VIT: variants seen among roughly 807,000 people sequenced by gnomAD.
VIT encodes vitrin.
In VIT, 99 loss-of-function variants were observed where a neutral mutation model predicts 78.0. That is an observed-to-expected ratio of 1.27 (90% confidence interval 1.08 to 1.50). The LOEUF is 1.50. Ranked by LOEUF, VIT falls within the 40% of genes most tolerant of loss-of-function variation. The pLI, the probability that VIT is intolerant of heterozygous loss-of-function variation, is 0.00. For missense variants in VIT, 1,126 were observed against 875.3 expected (o/e 1.29, Z -3.61); for synonymous variants, 374 against 334.3 (o/e 1.12, Z -1.29).
At chr2:36,725,094 G>C (rs1666749166) in intron 2 of VIT, among the ~76,000 whole-genome samples, 1 of 152,112 alleles carries the variant, frequency 6.6e-6, no homozygotes, top group South Asian at 2.1e-4. Context: ...CCTAAAAAAT[G>C]TCTGCCTTCA....
At chr2:36,755,396 T>C (rs541648553) in intron 5 of VIT, among the ~76,000 whole-genome samples, 4 of 152,318 alleles carry the variant, frequency 2.6e-5, no homozygotes, top group African/African-American at 9.6e-5. Flanking sequence ...GTCTAGAACC[T>C]TATTCCTTGA....
At chr2:36,795,017 G>C (rs571636411) in intron 12 of VIT, among the ~76,000 whole-genome samples, 3 of 152,274 alleles carry the variant, frequency 2.0e-5, no homozygotes, top group East Asian at 1.9e-4. Flanking sequence ...TGAACCGAGA[G>C]AGGAGAGGAT....
chr2:36,781,249 A>C (rs1380865089), intron 9 of VIT, among the ~76,000 whole-genome samples: 2 of 152,214 alleles, frequency 1.3e-5, no homozygotes, highest in Non-Finnish European at 2.9e-5. Context: ...GTGAGTGCTT[A>C]ATAAGTGTGG....
intron 1 of VIT, among the ~76,000 whole-genome samples, chr2:36,702,441 C>T (rs185928582): frequency 2.7e-4 from 41 of 152,210 alleles, no homozygotes; most frequent in Admixed American, 8.5e-4. Flanking sequence ...TCATATTCCA[C>T]TCCCAAACAA....
intron 1 of VIT, among the ~76,000 whole-genome samples, chr2:36,709,460 G>A (rs568338506): frequency 6.6e-6 from 1 of 152,354 alleles, no homozygotes; most frequent in South Asian, 2.1e-4. Context: ...TAGTTATGAT[G>A]CATGCATGCC....
At chr2:36,733,432 G>A (rs1251754184) in intron 3 of VIT, among the ~76,000 whole-genome samples, 1 of 152,168 alleles carries the variant, frequency 6.6e-6, no homozygotes, top group Non-Finnish European at 1.5e-5. Flanking sequence ...GGCGAGCCTG[G>A]CAGGGGTCCA....
In VIT at chr2:36,729,414, T is replaced by G. The variant is rs1667056908; in HGVS notation, c.53-12T>G. On this transcript the variant is annotated splice_polypyrimidine_tract_variant and intron_variant, in intron 2 of 15. Transcript: ENST00000379242. ...AAAATTGATTAAATTTTTAAAAATT[T>G]TCTTCATGTAGTTTTGCTGGTGACT... is the stretch of plus-strand genomic sequence containing the variant. The G allele has an allele frequency of 6.3e-7, 1 of 1,587,820 alleles. No homozygotes were observed. The highest frequency in any genetic ancestry group is 1.8e-5 in the Admixed American group (1 of 54,540).
At chr2:36,810,076 G>A (rs895809163) in intron 15 of VIT, among the ~76,000 whole-genome samples, 6 of 150,940 alleles carry the variant, frequency 4.0e-5, no homozygotes, top group Non-Finnish European at 4.4e-5. Context: ...CGGATCACCC[G>A]AGGTTGGGAG....
intron 11 of VIT, 96 bp downstream of exon 11, chr2:36,783,498 C>T: frequency 8.2e-7 from 1 of 1,218,734 alleles, no homozygotes; most frequent in Non-Finnish European, 1.2e-6. Flanking sequence ...CTGCCTCTCT[C>T]CTACCGTGGA....
rs145142505 is a variant in VIT, at chr2:36,801,319, C to T, written c.1077C>T (p.His359=). The change falls in exon 13 of 16, where the codon CAC becomes CAT. Residue 359 remains histidine (H), a synonymous_variant. Transcript: ENST00000379242. ...TCTTCAGAGACAACCCTGCTACTCA[C>T]TTTAACCTCAAGACACACACGAATT... ...VVQYGDNPAT[H]FNLKTHTNSR... is the part of the protein sequence containing the mutation. 2.5e-6 allele frequency: 4 copies of T among 1,614,012 alleles called. No individual in the cohort carries two copies. Among genetic ancestry groups the T allele is most frequent in the Middle Eastern group, 1.6e-4 (1 of 6,084 alleles).
intron 4 of VIT, among the ~76,000 whole-genome samples, chr2:36,753,746 C>T (rs1572477527): frequency 6.6e-6 from 1 of 152,038 alleles, no homozygotes; most frequent in Non-Finnish European, 1.5e-5. Flanking sequence ...TGCCTGCCAT[C>T]GGGAGATGTG....
In VIT at chr2:36,731,164, C is replaced by A. The variant is rs142654210; in HGVS notation, c.118+1673C>A. On this transcript the variant is annotated intron_variant, in intron 3 of 15. Transcript: ENST00000379242. ...GCCTAGGCATTTGGCTGCCTCCTACCGCTCTCAATAGCTCCCTTTAAAGCT... is the reference window on the plus strand; with the variant it reads ...GCCTAGGCATTTGGCTGCCTCCTACAGCTCTCAATAGCTCCCTTTAAAGCT... 5.3e-3 allele frequency among the ~76,000 whole-genome samples: 807 copies of A among 152,144 alleles called. 3 individuals carry two copies. The highest frequency in any genetic ancestry group is 0.023 in the South Asian group (111 of 4,810).
At chr2:36,776,644 T>C (rs574114669) in intron 9 of VIT, among the ~76,000 whole-genome samples, 17 of 151,444 alleles carry the variant, frequency 1.1e-4, no homozygotes, top group African/African-American at 4.1e-4. Context: ...CTATTAAAAA[T>C]ACAACAATGA....
At position 36,791,584 on chromosome 2, in the gene VIT, C is replaced by T. The variant is rs113739736; in HGVS notation, c.1058+4308C>T. Among the ~76,000 whole-genome samples, 1,252 of 152,266 alleles carry T rather than the reference C, an allele frequency of 8.2e-3. 17 individuals are homozygous for T. Among genetic ancestry groups the T allele is most frequent in the African/African-American group, 0.029 (1,221 of 41,544 alleles). On this transcript the variant is annotated intron_variant, in intron 12 of 15. Transcript: ENST00000379242. ...GTCCTTAGAAGTGGAGAAGCTTTCC[C>T]AGCTATTGTCATTCAAAGGGAGGTG...
chr2:36,794,652 T>C (rs1293040928), intron 12 of VIT, among the ~76,000 whole-genome samples: 1 of 152,230 alleles, frequency 6.6e-6, no homozygotes, highest in Non-Finnish European at 1.5e-5. Flanking sequence ...AAAATTCATC[T>C]AAGTGGTTTG....
intron 4 of VIT, 70 bp from the exon 5 acceptor site, chr2:36,754,851 T>G (rs1234784610): frequency 5.8e-6 from 9 of 1,542,696 alleles, no homozygotes; most frequent in Non-Finnish European, 7.9e-6. Context: ...GGCGACTGGT[T>G]TTCTAGCCTG....
At chr2:36,749,032 G>C (rs989524762) in intron 4 of VIT, among the ~76,000 whole-genome samples, 6 of 152,108 alleles carry the variant, frequency 3.9e-5, no homozygotes, top group African/African-American at 1.2e-4. Context: ...GTCATGCATG[G>C]TCCTGCATCT....
At chr2:36,777,425 C>T (rs1472742151) in intron 9 of VIT, among the ~76,000 whole-genome samples, 2 of 151,972 alleles carry the variant, frequency 1.3e-5, no homozygotes, top group African/African-American at 2.4e-5. Flanking sequence ...GCAGTACACC[C>T]TCTAACTATG....
At chr2:36,701,256 G>A (rs556257824) in intron 1 of VIT, among the ~76,000 whole-genome samples, 1 of 152,248 alleles carries the variant, frequency 6.6e-6, no homozygotes, top group East Asian at 1.9e-4. Flanking sequence ...TGGGTGGATG[G>A]GGAAAAGCTG....
Sources: gnomAD v4.1 joint callset for allele counts (sites outside exome capture counted in the v4.1 genomes callset) on GRCh38, gnomAD v4.1.1 for gene constraint, MANE v1.5 for transcripts, NCBI Gene and HGNC (gene_info 2026-07-23, HGNC 2026-07-21) for gene names.